The following KIAA1671 variants were observed in gnomAD, a reference collection of about 807,000 sequenced individuals.
KIAA1671 encodes uncharacterized protein KIAA1671.
A neutral mutation model predicts 131.2 loss-of-function variants in KIAA1671; 52 were observed. That is an observed-to-expected ratio of 0.40 (90% CI 0.32 to 0.50). KIAA1671 has a LOEUF of 0.50. KIAA1671 is among the 20% of genes least tolerant of loss of function. KIAA1671 has a pLI of 0.73. For synonymous variants in KIAA1671, 1,003 were observed against 961.6 expected (o/e 1.04, Z -0.80); for missense variants, 2,360 against 2,364.2 (o/e 1.00, Z 0.04).
intron 1 of KIAA1671, chr22:25,023,355 A>T (rs1925774777): frequency 6.6e-6 from 1 of 152,226 alleles, no homozygotes; most frequent in Non-Finnish European, 1.5e-5. Context: ...CTACAAAGTG[A>T]GACTGTCTAA....
chr22:25,046,375 A>G (rs1243955953), intron 5 of KIAA1671, among the ~76,000 whole-genome samples: 2 of 94,976 alleles, frequency 2.1e-5, no homozygotes, highest in Admixed American at 8.8e-5. Flanking sequence ...TTACAGCCCA[A>G]AAGGGTGTGA....
At chr22:25,085,140 C>T (rs188625231) in intron 6 of KIAA1671, among the ~76,000 whole-genome samples, 1 of 152,338 alleles carries the variant, frequency 6.6e-6, no homozygotes, top group African/African-American at 2.4e-5. Context: ...TGCAGTAGAT[C>T]AGATGTGCCC....
intron 1 of KIAA1671, among the ~76,000 whole-genome samples, chr22:24,976,630 A>G (rs1180803149): frequency 1.3e-5 from 2 of 152,134 alleles, no homozygotes; most frequent in African/African-American, 4.8e-5. Flanking sequence ...CGACATGAAG[A>G]TGCTTTCAGC....
intron 5 of KIAA1671, 123 bp from the exon 6 acceptor site, chr22:25,049,107 T>C (rs1927395373): frequency 8.3e-7 from 1 of 1,199,440 alleles, no homozygotes; most frequent in Admixed American, 2.7e-5. Context: ...AGTGGGGGAT[T>C]TCTGGGGGTT....
intron 1 of KIAA1671, among the ~76,000 whole-genome samples, chr22:24,956,294 G>C (rs1043152892): frequency 6.6e-6 from 1 of 152,214 alleles, no homozygotes; most frequent in Non-Finnish European, 1.5e-5. Context: ...CCCTGTGCCT[G>C]TTCAGGGGTA....
intron 1 of KIAA1671, among the ~76,000 whole-genome samples, chr22:25,009,479 G>T (rs1924918536): frequency 6.6e-6 from 1 of 151,286 alleles, no homozygotes; most frequent in Non-Finnish European, 1.5e-5. Context: ...TGGCCAGGCT[G>T]GTCTCGAACT....
chr22:25,014,283 TAAC>T (rs952652285), intron 1 of KIAA1671: 1 of 152,166 alleles, frequency 6.6e-6, no homozygotes, highest in African/African-American at 2.4e-5. Context: ...AATGAAACAA[TAAC>T]AACAAAAAAC....
chr22:25,150,550 A>G (rs530958280), intron 6 of KIAA1671, among the ~76,000 whole-genome samples: 83 of 151,622 alleles, frequency 5.5e-4, no homozygotes, highest in African/African-American at 2.0e-3. Context: ...ACACCCCAAC[A>G]CCCTTCTCTA....
chr22:25,152,192 C>T (rs1337791150), intron 6 of KIAA1671, among the ~76,000 whole-genome samples: 1 of 152,190 alleles, frequency 6.6e-6, no homozygotes, highest in Non-Finnish European at 1.5e-5. Context: ...GTTTTTCTGT[C>T]TTATAAATAA....
intron 6 of KIAA1671, chr22:25,112,413 G>C: frequency 2.5e-6 from 1 of 399,040 alleles, no homozygotes; most frequent in Non-Finnish European, 4.4e-6. Context: ...AGCCAACAGA[G>C]ATTTTCTTCA....
intron 1 of KIAA1671, among the ~76,000 whole-genome samples, chr22:24,982,820 G>T (rs116462527): frequency 6.6e-6 from 1 of 152,156 alleles, no homozygotes; most frequent in Non-Finnish European, 1.5e-5. Flanking sequence ...TTCTCCTGCC[G>T]GACCCAAGTC....
At chr22:25,062,824 G>GC (rs1928236913) in intron 6 of KIAA1671, 2 of 9,498 alleles carry the variant, frequency 2.1e-4, no homozygotes, top group Admixed American at 1.0e-3. Context: ...ACCCACCCCC[G>GC]CCCCCCGCCA....
chr22:25,162,821 T>C (rs952564417), intron 6 of KIAA1671, among the ~76,000 whole-genome samples: 4 of 152,216 alleles, frequency 2.6e-5, no homozygotes, highest in African/African-American at 9.6e-5. Context: ...AACAGCAGAA[T>C]TGAGTAACTG....
At chr22:25,188,347 A>T (rs1381651067) in intron 11 of KIAA1671, among the ~76,000 whole-genome samples, 1 of 152,022 alleles carries the variant, frequency 6.6e-6, no homozygotes, top group African/African-American at 2.4e-5. Flanking sequence ...TCCCCAAAAC[A>T]ATTATTGTTG....
chr22:25,097,017 T>C (rs1490090329), intron 6 of KIAA1671, among the ~76,000 whole-genome samples: 2 of 152,228 alleles, frequency 1.3e-5, no homozygotes, highest in African/African-American at 2.4e-5. Flanking sequence ...CCTTCTCTTG[T>C]TGACCGGCAT....
chr22:25,147,516 C>T (rs1275498457), intron 6 of KIAA1671, among the ~76,000 whole-genome samples: 1 of 152,116 alleles, frequency 6.6e-6, no homozygotes, highest in Non-Finnish European at 1.5e-5. Context: ...TATAACAATA[C>T]CCCCACCTCC....
At chr22:25,093,851 TCTCTCTC>T (rs1930261579) in intron 6 of KIAA1671, among the ~76,000 whole-genome samples, 7 of 125,844 alleles carry the variant, frequency 5.6e-5, no homozygotes, top group Admixed American at 7.8e-5. Context: ...TCTCTCTCTC[TCTCTCTC>T]TCTCTCTCTC....
chr22:24,982,481 G>T (rs1923289428), intron 1 of KIAA1671, among the ~76,000 whole-genome samples: 1 of 152,196 alleles, frequency 6.6e-6, no homozygotes, highest in South Asian at 2.1e-4. Context: ...TGGACTGTGT[G>T]CCTCCCACAC....
chr22:25,113,548 G>A (rs906450207), intron 6 of KIAA1671, among the ~76,000 whole-genome samples: 1 of 152,168 alleles, frequency 6.6e-6, no homozygotes, highest in African/African-American at 2.4e-5. Context: ...TACACTCGAG[G>A]TGGCAGGGCT....
Sources: gnomAD v4.1 joint callset for allele counts (sites outside exome capture counted in the v4.1 genomes callset) on GRCh38, gnomAD v4.1.1 for gene constraint, MANE v1.5 for transcripts, NCBI Gene and HGNC (gene_info 2026-07-23, HGNC 2026-07-21) for gene names.